GREB1: variants seen among roughly 807,000 people sequenced by gnomAD.
GREB1 encodes protein GREB1.
GREB1 carries 106 observed loss-of-function variants against 200.7 expected under a neutral mutation model. That is an observed-to-expected ratio of 0.53 (90% CI 0.45 to 0.62). The LOEUF (loss-of-function observed/expected upper bound fraction) is 0.62. Among genes scored for constraint, GREB1 ranks in the 20% least tolerant of loss-of-function variants. The pLI is 0.00. For missense variants in GREB1, 2,243 were observed against 2,556.8 expected (o/e 0.88, Z 2.65); for synonymous variants, 1,132 against 1,092.4 (o/e 1.04, Z -0.72).
chr2:11,632,299 A>T (rs191388506), intron 27 of GREB1, among the ~76,000 whole-genome samples, 186 bp downstream of exon 27: 166 of 146,038 alleles, frequency 1.1e-3, no homozygotes, highest in Non-Finnish European at 2.0e-3. Flanking sequence ...GTGTTTGGTT[A>T]TCCATTTAAT....
chr2:11,595,644 T>C (rs1038696024), intron 12 of GREB1, among the ~76,000 whole-genome samples: 7 of 152,122 alleles, frequency 4.6e-5, no homozygotes, highest in Non-Finnish European at 5.9e-5. Context: ...CTTCATGGGG[T>C]ACACAAGGCC....
In GREB1 at chr2:11,627,122, C is replaced by G; in HGVS notation, c.4449+18C>G. The G allele has an allele frequency of 1.9e-6, 3 of 1,557,852 alleles. No homozygotes were observed. The highest frequency in any genetic ancestry group is 2.6e-6 in the Non-Finnish European group (3 of 1,151,958). On this transcript the variant is annotated intron_variant, in intron 25 of 32. Transcript: ENST00000381486. ...GCTACCAGGTAGGCCCCAGCAGTTCCCCACCAGGCATTTCACCTTGGCTCA... is the reference window on the plus strand; with the variant it reads ...GCTACCAGGTAGGCCCCAGCAGTTCGCCACCAGGCATTTCACCTTGGCTCA...
At chr2:11,573,371 T>C (rs76459679) in intron 4 of GREB1, among the ~76,000 whole-genome samples, 2,014 of 152,328 alleles carry the variant, frequency 0.013, 35 homozygotes, top group African/African-American at 0.045. Context: ...GAAGGAAGAA[T>C]TTCGATTCTG....
At chr2:11,488,564 G>A (rs1336818042) in intron 1 of GREB1, among the ~76,000 whole-genome samples, 1 of 152,024 alleles carries the variant, frequency 6.6e-6, no homozygotes, top group African/African-American at 2.4e-5. Flanking sequence ...GCCGATGTGG[G>A]TGGATCATCT....
chr2:11,532,840 A>T (rs1480047609), upstream of GREB1, among the ~76,000 whole-genome samples: 3 of 152,208 alleles, frequency 2.0e-5, no homozygotes, highest in Non-Finnish European at 2.9e-5. Context: ...CTGCTTAAAG[A>T]TATCCTTTGT....
chr2:11,606,190 A>C (rs1377509463), intron 17 of GREB1, among the ~76,000 whole-genome samples: 2 of 152,230 alleles, frequency 1.3e-5, no homozygotes. Context: ...TTTCACGTCT[A>C]GAAAATACTG....
chr2:11,607,620 G>GCA (rs1558625641), intron 17 of GREB1, among the ~76,000 whole-genome samples: 2 of 6,220 alleles, frequency 3.2e-4, no homozygotes, highest in Admixed American at 4.2e-3. Context: ...ACACATATAT[G>GCA]CATATATATA....
rs1368769933 is a variant in GREB1, at chr2:11,607,495, CAT to C, written c.2667-3185_2667-3184del. Among the ~76,000 whole-genome samples, 21 of 139,984 alleles carry C rather than the reference CAT, an allele frequency of 1.5e-4. 1 individual carries two copies. The highest frequency in any genetic ancestry group is 2.0e-4 in the Non-Finnish European group (13 of 66,100). The allele number at this position is 139,984 out of a possible 152,430, so 91.8% of individuals were successfully genotyped here. On this transcript the variant is annotated intron_variant, in intron 17 of 32. Transcript: ENST00000381486. ...ATACACACACATACATATATATACA[CAT>C]ATATATACATATATGTACATACATA...
At chr2:11,483,417 G>A (rs1005950437) in intron 1 of GREB1, among the ~76,000 whole-genome samples, 2 of 152,042 alleles carry the variant, frequency 1.3e-5, no homozygotes, top group East Asian at 3.9e-4. Flanking sequence ...CGTGAACAGT[G>A]ACGGTGATAA....
intron 10 of GREB1, among the ~76,000 whole-genome samples, chr2:11,590,983 A>G (rs896652265): frequency 2.6e-5 from 4 of 152,148 alleles, no homozygotes; most frequent in Non-Finnish European, 5.9e-5. Context: ...GGCAACCTTG[A>G]TGATGATGTA....
chr2:11,621,640 A>G (rs1370396248), intron 23 of GREB1, among the ~76,000 whole-genome samples: 3 of 152,158 alleles, frequency 2.0e-5, no homozygotes, highest in Admixed American at 6.5e-5. Context: ...TGGTCTGGTC[A>G]ATGAATCTGC....
intron 24 of GREB1, 123 bp downstream of exon 24, chr2:11,625,435 C>G (rs994306573): frequency 1.1e-6 from 1 of 913,200 alleles, no homozygotes; most frequent in Non-Finnish European, 1.7e-6. Context: ...ATACCTAGTA[C>G]AGAACTGAGG....
At chr2:11,538,669 CTT>C (rs1558510838) in intron 1 of GREB1, among the ~76,000 whole-genome samples, 1 of 95,252 alleles carries the variant, frequency 1.0e-5, no homozygotes. Context: ...TTCTTTCTTT[CTT>C]TCTTTCTTTC....
chr2:11,596,091 G>T lies in GREB1; in HGVS notation c.1826-20G>T. On this transcript the variant is annotated intron_variant, in intron 12 of 32. Coordinates refer to ENST00000381486, the MANE Select transcript of GREB1 (RefSeq NM_014668.4). Reference sequence around the variant, plus strand: ...TTTCACTGACATCAAAAACCCATTTGTTTATTCTGTCTTGGGCAGAGGGTG... The same window carrying T: ...TTTCACTGACATCAAAAACCCATTTTTTTATTCTGTCTTGGGCAGAGGGTG... 1 of 1,606,824 alleles carries T rather than the reference G, an allele frequency of 6.2e-7. No homozygotes were observed. Among genetic ancestry groups the T allele is most frequent in the Non-Finnish European group, 8.5e-7 (1 of 1,175,866 alleles).
Position 11,566,531 on chromosome 2 carries a change from C to G in GREB1, c.329C>G (p.Pro110Arg). The G allele has an allele frequency of 6.2e-7, 1 of 1,614,032 alleles. No individual in the cohort carries two copies. Among genetic ancestry groups the G allele is most frequent in the Non-Finnish European group, 8.5e-7 (1 of 1,179,966 alleles). Reference protein sequence around the residue: ...DLRLVSISNEPMDVPAGFLLV... With the variant: ...DLRLVSISNERMDVPAGFLLV... Reference sequence around the variant, plus strand: ...CGCCTTGTCTCCATTTCCAACGAGCCCATGGATGTCCCTGCGGGCTTTCTC... The same window carrying G: ...CGCCTTGTCTCCATTTCCAACGAGCGCATGGATGTCCCTGCGGGCTTTCTC... The change falls in exon 4 of 33, where the codon CCC (proline) becomes CGC (arginine). Residue 110 changes from proline (P) to arginine (R), a missense_variant. Physicochemically the swap from Pro to Arg is moderately radical, Grantham distance 103 (BLOSUM62 -2). Around this residue, in one of 3 missense-constraint regions of GREB1, gnomAD observed 1,178 missense variants for 1,387.4 expected, o/e 0.85. Coordinates refer to ENST00000381486, the MANE Select transcript of GREB1 (RefSeq NM_014668.4).
chr2:11,538,815 TCCTCCCTC>T (rs1558511651), intron 1 of GREB1, among the ~76,000 whole-genome samples: 1 of 90,282 alleles, frequency 1.1e-5, no homozygotes. Flanking sequence ...CTTCCTTCCT[TCCTCCCTC>T]CCTTCCTCCC....
chr2:11,583,298 T>TG (rs1679708985), intron 7 of GREB1, among the ~76,000 whole-genome samples: 3 of 152,074 alleles, frequency 2.0e-5, no homozygotes, highest in South Asian at 4.2e-4. Context: ...TTAGCCTCTG[T>TG]GGGGGGTCTC....
At chr2:11,495,128 A>G (rs1672853184) in intron 1 of GREB1, among the ~76,000 whole-genome samples, 1 of 152,040 alleles carries the variant, frequency 6.6e-6, no homozygotes, top group Admixed American at 6.6e-5. Flanking sequence ...GCTTATCTCC[A>G]TGCCTCTTTC....
rs1325393009 is a variant in GREB1 at position 11,483,685 on chromosome 2, GGGGTGT to G, written c.-159+1306_-159+1311del. Among the ~76,000 whole-genome samples the G allele has an allele frequency of 1.2e-3, 127 of 102,146 alleles. 2 individuals carry two copies. Among genetic ancestry groups the G allele is most frequent in the African/African-American group, 4.9e-3 (121 of 24,892 alleles). The allele number at this position is 102,146 out of a possible 152,430, so 67.0% of individuals were successfully genotyped here. On this transcript the variant is annotated intron_variant, in intron 1 of 2. Coordinates refer to the GREB1 transcript ENST00000628795. ...AGGCTGCTTCCCCGAAGTACAAGAA[GGGGTGT>G]GTGTGTGTGTGTGTGTGTGTGTGTG...
Sources: gnomAD v4.1 joint callset for allele counts (sites outside exome capture counted in the v4.1 genomes callset) on GRCh38, gnomAD v4.1.1 for gene constraint, gnomAD v4.1.1 regional missense constraint, MANE v1.5 for transcripts, NCBI Gene and HGNC (gene_info 2026-07-23, HGNC 2026-07-21) for gene names.